Variants in OPCML observed in about 807,000 individuals in gnomAD.
OPCML encodes opioid binding protein/cell adhesion molecule like.
A neutral mutation model predicts 37.8 loss-of-function variants in OPCML; 13 were observed. The ratio of observed to expected loss-of-function variants is 0.34; its 90% CI spans 0.22 to 0.55. OPCML has a LOEUF of 0.55. Among genes scored for constraint, OPCML ranks in the 20% least tolerant of loss-of-function variants. The pLI is 0.91. For synonymous variants in OPCML, 176 were observed against 168.8 expected, an observed-to-expected ratio of 1.04 and a Z score of -0.33; for missense variants, 341 against 435.6, an observed-to-expected ratio of 0.78 and a Z score of 1.93.
intron 3 of OPCML, among the ~76,000 whole-genome samples, chr11:132,554,883 T>TC (rs1555152135): frequency 6.4e-5 from 8 of 125,740 alleles, no homozygotes; most frequent in Admixed American, 2.0e-4. Context: ...TTTTTTTTTT[T>TC]TTTTTTTTCA....
intron 1 of OPCML, among the ~76,000 whole-genome samples, chr11:133,400,706 A>G (rs1474859542): frequency 6.6e-6 from 1 of 152,252 alleles, no homozygotes; most frequent in Non-Finnish European, 1.5e-5. Context: ...CAAACAATCC[A>G]GCTAGGAGCA....
intron 2 of OPCML, among the ~76,000 whole-genome samples, chr11:132,840,439 C>A (rs976048626): frequency 2.6e-5 from 4 of 152,282 alleles, no homozygotes; most frequent in African/African-American, 9.6e-5. Flanking sequence ...TCCCACTGGG[C>A]CCGTTTTGCT....
At chr11:133,484,508 T>G (rs1947487427) in intron 1 of OPCML, among the ~76,000 whole-genome samples, 1 of 152,060 alleles carries the variant, frequency 6.6e-6, no homozygotes, top group Non-Finnish European at 1.5e-5. Context: ...GTGGATATGT[T>G]GCCAAAGAAC....
chr11:133,179,948 C>T (rs561331142), intron 1 of OPCML, among the ~76,000 whole-genome samples: 1 of 152,218 alleles, frequency 6.6e-6, no homozygotes, highest in South Asian at 2.1e-4. Context: ...AAGCTGGGCG[C>T]AGGTGATGGA....
At chr11:132,741,226 A>G (rs917712937) in intron 2 of OPCML, among the ~76,000 whole-genome samples, 1 of 152,168 alleles carries the variant, frequency 6.6e-6, no homozygotes, top group African/African-American at 2.4e-5. Context: ...CCAGCCTTCA[A>G]TTCAGTACCT....
chr11:132,613,780 AAG>A (rs1454750088), intron 3 of OPCML, among the ~76,000 whole-genome samples: 4 of 152,158 alleles, frequency 2.6e-5, no homozygotes, highest in Non-Finnish European at 5.9e-5. Flanking sequence ...TGGCTGGAGA[AAG>A]AAGAAATCTG....
At chr11:133,295,258 T>G (rs911198557) in intron 1 of OPCML, among the ~76,000 whole-genome samples, 1 of 152,154 alleles carries the variant, frequency 6.6e-6, no homozygotes, top group African/African-American at 2.4e-5. Context: ...GTTGAGCAAA[T>G]ATTTCTTAAG....
chr11:133,253,850 C>A (rs865811465), intron 1 of OPCML, among the ~76,000 whole-genome samples: 878 of 73,532 alleles, frequency 0.012, 9 homozygotes, highest in African/African-American at 0.038. Flanking sequence ...CTTCCCTTCC[C>A]TTCCCTTCCC....
At chr11:133,002,157 C>T (rs7935421) in intron 1 of OPCML, among the ~76,000 whole-genome samples, 92,355 of 152,060 alleles carry the variant, frequency 0.61, 28,218 homozygotes, top group South Asian at 0.7. Context: ...GAAGAATTCT[C>T]GGGGCCAGGA....
rs182403443 is a variant in OPCML, at chr11:132,983,216, T to C, written c.62-40206A>G. Among the ~76,000 whole-genome samples, 7 of 152,190 alleles carry C rather than the reference T, an allele frequency of 4.6e-5. No homozygotes were observed. The East Asian group carries it at 1.2e-3, about 25-fold the overall frequency. ...GCTAAAGCCATGGCCCGGTGACCTT[T>C]CCCAAGCAGGTCAGCGAAGACTCTC... On this transcript the variant is annotated intron_variant, in intron 1 of 7. Transcript: ENST00000524381.
intron 2 of OPCML, among the ~76,000 whole-genome samples, chr11:132,809,369 C>G (rs976215819): frequency 6.6e-6 from 1 of 152,130 alleles, no homozygotes; most frequent in Admixed American, 6.5e-5. Context: ...TACTCCAGGG[C>G]TGACTTAGGA....
In OPCML at chr11:132,525,247, C is replaced by T. The variant is rs545646936; in HGVS notation, c.505+3814G>A. ...GATTTATTTATTCATTTATTTTTACCTCTTTTCTGTAATTGTAAGGGGTGA... is the reference window on the plus strand; with the variant it reads ...GATTTATTTATTCATTTATTTTTACTTCTTTTCTGTAATTGTAAGGGGTGA... On this transcript the variant is annotated intron_variant, in intron 4 of 7. Transcript: ENST00000524381. 1.1e-4 allele frequency among the ~76,000 whole-genome samples: 16 copies of T among 151,658 alleles called. No individual in the cohort carries two copies. The South Asian group carries it at 3.1e-3, about 30-fold the overall frequency.
At chr11:133,181,650 T>C (rs997490394) in intron 1 of OPCML, among the ~76,000 whole-genome samples, 1 of 152,302 alleles carries the variant, frequency 6.6e-6, no homozygotes, top group Admixed American at 6.5e-5. Flanking sequence ...TCAGAGCTGA[T>C]CAATGCCCCT....
intron 2 of OPCML, among the ~76,000 whole-genome samples, chr11:132,828,254 C>T (rs1437127615): frequency 3.3e-5 from 5 of 151,982 alleles, no homozygotes; most frequent in Non-Finnish European, 7.4e-5. Context: ...AAGGGATGAG[C>T]GCGTGGAACA....
In OPCML at chr11:133,532,412, G is replaced by T. The variant is rs1232242954; in HGVS notation, c.-88C>A. The T allele has an allele frequency of 2.6e-6, 4 of 1,509,920 alleles. No individual in the cohort carries two copies. The highest frequency in any genetic ancestry group is 1.2e-5 in the South Asian group (1 of 84,138). 93.5% of individuals were successfully genotyped at this position (1,509,920 alleles called of 1,614,324 possible). On this transcript the variant is annotated 5_prime_UTR_variant, in exon 1 of 8. Coordinates refer to ENST00000524381, the MANE Select transcript of OPCML (RefSeq NM_001012393.5). ...TGCCTTCCTCTGTGCTGAATTCTGA[G>T]CAGGTTTAAATCCAATGTTTGCAAA...
intron 1 of OPCML, among the ~76,000 whole-genome samples, chr11:133,031,903 T>C (rs1341430954): frequency 6.6e-6 from 1 of 152,190 alleles, no homozygotes; most frequent in Admixed American, 6.5e-5. Context: ...AAGGTTAACA[T>C]TTATTGAGTG....
chr11:133,414,907 A>T (rs1053045353), intron 1 of OPCML, among the ~76,000 whole-genome samples: 11 of 152,142 alleles, frequency 7.2e-5, no homozygotes, highest in African/African-American at 2.4e-4. Context: ...AAGGAGTGAC[A>T]TCTGTTGCTA....
chr11:132,730,884 G>T (rs1015420126), intron 2 of OPCML, among the ~76,000 whole-genome samples: 1 of 152,130 alleles, frequency 6.6e-6, no homozygotes, highest in African/African-American at 2.4e-5. Context: ...ATATCAGTCT[G>T]GCAAACTGAA....
chr11:133,296,935 G>T (rs1297151410), intron 1 of OPCML, among the ~76,000 whole-genome samples: 1 of 152,142 alleles, frequency 6.6e-6, no homozygotes, highest in South Asian at 2.1e-4. Flanking sequence ...CCCAGGAATT[G>T]CTCATAATTG....
Sources: gnomAD v4.1 joint callset for allele counts (sites outside exome capture counted in the v4.1 genomes callset) on GRCh38, gnomAD v4.1.1 for gene constraint, MANE v1.5 for transcripts, NCBI Gene and HGNC (gene_info 2026-07-23, HGNC 2026-07-21) for gene names.